Variants in GULP1 observed in about 807,000 individuals in gnomAD.
GULP1 encodes PTB domain-containing engulfment adapter protein 1.
In GULP1, 19 loss-of-function variants were observed where a neutral mutation model predicts 40.9. The ratio of observed to expected loss-of-function variants is 0.46; its 90% CI spans 0.32 to 0.68. The LOEUF is 0.68. Among genes scored for constraint, GULP1 ranks in the 30% least tolerant of loss-of-function variants. The pLI is 0.03. For synonymous variants in GULP1, 119 were observed against 117.6 expected (o/e 1.01, Z -0.08); for missense variants, 312 against 362.2 (o/e 0.86, Z 1.12).
chr2:188,526,238 G>A (rs1686134083), intron 5 of GULP1, among the ~76,000 whole-genome samples: 1 of 151,988 alleles, frequency 6.6e-6, no homozygotes, highest in African/African-American at 2.4e-5. Context: ...ACAAAGGCTT[G>A]GTTATATTTG....
At chr2:188,500,273 T>C (rs571550238) in intron 4 of GULP1, among the ~76,000 whole-genome samples, 6 of 151,958 alleles carry the variant, frequency 3.9e-5, no homozygotes, top group Admixed American at 3.9e-4. Flanking sequence ...CACTGGGAAA[T>C]ATAAGGTTAC....
chr2:188,552,633 C>T (rs1184226354), intron 7 of GULP1, among the ~76,000 whole-genome samples: 3 of 151,212 alleles, frequency 2.0e-5, no homozygotes, highest in Non-Finnish European at 4.4e-5. Flanking sequence ...TTTAAGTTTG[C>T]CGTTTCTTAT....
At chr2:188,354,280 G>A (rs763078810) in intron 1 of GULP1, among the ~76,000 whole-genome samples, 1 of 152,074 alleles carries the variant, frequency 6.6e-6, no homozygotes, top group Non-Finnish European at 1.5e-5. Context: ...GCCCTGTTGG[G>A]TCTGGTTCCC....
At chr2:188,443,357 C>T (rs1404039070) in intron 2 of GULP1, among the ~76,000 whole-genome samples, 2 of 152,114 alleles carry the variant, frequency 1.3e-5, no homozygotes, top group Admixed American at 6.5e-5. Context: ...CCTCCTGATT[C>T]GTGAAGCCCT....
chr2:188,462,988 T>C (rs1482227095), intron 2 of GULP1, among the ~76,000 whole-genome samples: 1 of 152,122 alleles, frequency 6.6e-6, no homozygotes, highest in East Asian at 1.9e-4. Context: ...TCTTGAAAAG[T>C]TGTTTTAGTT....
chr2:188,516,055 T>A (rs2065138333), intron 4 of GULP1, among the ~76,000 whole-genome samples: 1 of 152,226 alleles, frequency 6.6e-6, no homozygotes, highest in Non-Finnish European at 1.5e-5. Flanking sequence ...TTTTATTCTA[T>A]TCTGGATAAA....
At chr2:188,536,240 T>G (rs7592288) in intron 6 of GULP1, among the ~76,000 whole-genome samples, 148,258 of 152,210 alleles carry the variant, frequency 0.97, 72,343 homozygotes, top group East Asian at 1. Flanking sequence ...AATTGCTTTT[T>G]GGAACTTAGA....
chr2:188,568,093 C>T (rs1244247740), intron 7 of GULP1, among the ~76,000 whole-genome samples: 1 of 151,744 alleles, frequency 6.6e-6, no homozygotes, highest in African/African-American at 2.4e-5. Context: ...TTTTAGTTAA[C>T]TAGGTTAAAT....
intron 2 of GULP1, among the ~76,000 whole-genome samples, chr2:188,414,997 T>C (rs1452943859): frequency 6.6e-6 from 1 of 152,144 alleles, no homozygotes; most frequent in Non-Finnish European, 1.5e-5. Flanking sequence ...CAAGAGTAAA[T>C]ATGTTTCCAT....
chr2:188,516,584 A>G lies in GULP1; in HGVS notation c.91-6172A>G, dbSNP rs180842176. Among the ~76,000 whole-genome samples, 144 of 152,138 alleles carry G rather than the reference A, an allele frequency of 9.5e-4. 2 individuals are homozygous for G. The Middle Eastern group carries it at 0.037, about 40-fold the overall frequency. ...TTAGTTTTTCCTCTTCTCTATTTCT[A>G]GGACTCTATTTGGTTTAATGTTGGC... On this transcript the variant is annotated intron_variant, in intron 4 of 11. Coordinates refer to ENST00000409830, the MANE Select transcript of GULP1 (RefSeq NM_016315.4).
intron 2 of GULP1, among the ~76,000 whole-genome samples, chr2:188,467,447 A>C (rs1315267610): frequency 6.6e-6 from 1 of 152,006 alleles, no homozygotes. Context: ...GTTTTTCTCT[A>C]TGGTAATCTC....
At chr2:188,328,615 T>C (rs2041099472) in intron 1 of GULP1, among the ~76,000 whole-genome samples, 1 of 152,154 alleles carries the variant, frequency 6.6e-6, no homozygotes. Flanking sequence ...TCTTTTCCTT[T>C]AGTTGCATCA....
chr2:188,392,909 A>C (rs2050718240), intron 2 of GULP1, among the ~76,000 whole-genome samples: 2 of 151,946 alleles, frequency 1.3e-5, no homozygotes, highest in Admixed American at 6.6e-5. Context: ...AGTTCCTTTT[A>C]AAGGTGATTT....
intron 9 of GULP1, among the ~76,000 whole-genome samples, chr2:188,578,456 A>T (rs1700599603): frequency 6.6e-6 from 1 of 151,970 alleles, no homozygotes; most frequent in African/African-American, 2.4e-5. Context: ...TGATAGGTGC[A>T]GCAAACTACC....
At position 188,569,886 on chromosome 2, in the gene GULP1, A is replaced by G. The variant is rs1698656337; in HGVS notation, c.517-142A>G. Reference sequence around the variant, plus strand: ...GATCTAGAATCCTCCAGCATTTCCCAAGCTTTATCAAACAATTTTCTCCCC... The same window carrying G: ...GATCTAGAATCCTCCAGCATTTCCCGAGCTTTATCAAACAATTTTCTCCCC... On this transcript the variant is annotated intron_variant, in intron 8 of 11. Coordinates refer to ENST00000409830, the MANE Select transcript of GULP1 (RefSeq NM_016315.4). The G allele has an allele frequency of 1.9e-5, 10 of 525,840 alleles. No homozygotes were observed. The South Asian group carries it at 2.8e-4, about 14-fold the overall frequency. The allele number at this position is 525,840 out of a possible 1,614,324, so 32.6% of individuals were successfully genotyped here.
chr2:188,323,824 A>G (rs1449050255), intron 1 of GULP1, among the ~76,000 whole-genome samples: 1 of 151,820 alleles, frequency 6.6e-6, no homozygotes, highest in East Asian at 1.9e-4. Context: ...TATGAATCCT[A>G]AGGCCAATTT....
At chr2:188,484,080 T>C (rs2061658066) in intron 4 of GULP1, among the ~76,000 whole-genome samples, 1 of 152,036 alleles carries the variant, frequency 6.6e-6, no homozygotes, top group African/African-American at 2.4e-5. Context: ...TGTGCCACCA[T>C]GCTTTTTAGA....
chr2:188,358,536 A>G (rs1244606616), intron 1 of GULP1, among the ~76,000 whole-genome samples: 2 of 152,140 alleles, frequency 1.3e-5, no homozygotes, highest in East Asian at 1.9e-4. Flanking sequence ...GAGGTGATGG[A>G]TATGCTAATT....
At chr2:188,451,190 C>T (rs187797459) in intron 2 of GULP1, among the ~76,000 whole-genome samples, 8 of 152,246 alleles carry the variant, frequency 5.3e-5, no homozygotes, top group African/African-American at 1.7e-4. Context: ...ATGGTACATT[C>T]GGGAGGAAAG....
Sources: allele counts gnomAD v4.1 joint callset (sites outside exome capture counted in the v4.1 genomes callset), GRCh38; gene constraint gnomAD v4.1.1; transcripts MANE v1.5; gene names NCBI Gene and HGNC (gene_info 2026-07-23, HGNC 2026-07-21).